Variants in ECE1 observed in about 807,000 individuals in gnomAD.
ECE1 encodes endothelin converting enzyme 1, also known as endothelin-converting enzyme 1.
A neutral mutation model predicts 98.6 loss-of-function variants in ECE1; 35 were observed. The ratio of observed to expected loss-of-function variants is 0.35; its 90% CI spans 0.27 to 0.47. The LOEUF is 0.47. Among genes scored for constraint, ECE1 ranks in the 20% least tolerant of loss-of-function variants. The pLI is 1.00. For synonymous variants in ECE1, 394 were observed against 407.1 expected (o/e 0.97, Z 0.39); for missense variants, 814 against 1,025.3 (o/e 0.79, Z 2.81).
chr1:21,270,125 C>G lies in ECE1; in HGVS notation c.493+2574G>C, dbSNP rs142512693. On this transcript the variant is annotated intron_variant, in intron 4 of 18. Transcript: ENST00000374893. ...GGGCCTGTCCACTGTCCTGCCCCAT[C>G]CCCTCTAAATGCTAACTGCTCCCCA... Among the ~76,000 whole-genome samples, 8 of 152,352 alleles carry G rather than the reference C, an allele frequency of 5.3e-5. No homozygotes were observed. In the East Asian group the frequency reaches 1.5e-3, roughly 29 times the overall value.
chr1:21,262,497 C>T (rs554393222), intron 4 of ECE1, among the ~76,000 whole-genome samples: 3 of 152,202 alleles, frequency 2.0e-5, no homozygotes, highest in East Asian at 1.9e-4. Flanking sequence ...TCAGATGCAG[C>T]GTCTCACCCT....
intron 10 of ECE1, among the ~76,000 whole-genome samples, chr1:21,239,945 T>A (rs547686680): frequency 1.3e-5 from 2 of 151,930 alleles, no homozygotes; most frequent in Non-Finnish European, 2.9e-5. Flanking sequence ...CCGAGGCAAG[T>A]GGATCACTTG....
At chr1:21,228,814 A>C (rs1291816414) in intron 14 of ECE1, among the ~76,000 whole-genome samples, 4 of 149,506 alleles carry the variant, frequency 2.7e-5, no homozygotes, top group Non-Finnish European at 5.9e-5. Context: ...GAAAAGAAAA[A>C]GATTTTGAAA....
At chr1:21,330,600 C>T (rs1639178889) in intron 1 of ECE1, among the ~76,000 whole-genome samples, 1 of 152,160 alleles carries the variant, frequency 6.6e-6, no homozygotes, top group African/African-American at 2.4e-5. Flanking sequence ...CTGGGAGCTC[C>T]TGGAAGGCAC....
chr1:21,236,517 C>T (rs565171114), intron 12 of ECE1, among the ~76,000 whole-genome samples: 3 of 152,322 alleles, frequency 2.0e-5, no homozygotes, highest in Admixed American at 6.5e-5. Flanking sequence ...AGCGTGGTGG[C>T]GCACGCCTGT....
At chr1:21,270,171 T>G (rs1425515025) in intron 4 of ECE1, among the ~76,000 whole-genome samples, 1 of 152,182 alleles carries the variant, frequency 6.6e-6, no homozygotes, top group Non-Finnish European at 1.5e-5. Flanking sequence ...CCCTCACCAT[T>G]TTGGACTGGT....
chr1:21,281,636 C>T (rs1199057976), intron 2 of ECE1, among the ~76,000 whole-genome samples: 7 of 152,168 alleles, frequency 4.6e-5, no homozygotes, highest in Admixed American at 4.6e-4. Flanking sequence ...CTTCTCATGT[C>T]CCCATTATCA....
intron 1 of ECE1, among the ~76,000 whole-genome samples, chr1:21,343,961 T>C (rs924171309): frequency 1.3e-5 from 2 of 152,156 alleles, no homozygotes; most frequent in Non-Finnish European, 2.9e-5. Context: ...GGTCCACAGA[T>C]AGTGCACTCC....
intron 4 of ECE1, among the ~76,000 whole-genome samples, chr1:21,267,628 C>A (rs1439607564): frequency 1.3e-5 from 2 of 152,148 alleles, no homozygotes; most frequent in African/African-American, 2.4e-5. Flanking sequence ...CAAACCATAT[C>A]ATCCAGTCTG....
chr1:21,345,260 A>C lies in ECE1; in HGVS notation c.3+116T>G. The C allele has an allele frequency of 8.4e-7, 1 of 1,184,298 alleles. No individual in the cohort carries two copies. The highest frequency in any genetic ancestry group is 1.0e-6 in the Non-Finnish European group (1 of 958,422). The allele number at this position is 1,184,298 out of a possible 1,614,324, so 73.4% of individuals were successfully genotyped here. ...AGAGCCGGGCGGGGGCTGCTGCTGC[A>C]GCCGGCGCCCAGCCCCCCGCGAGCC... On this transcript the variant is annotated intron_variant, in intron 1 of 18. Transcript: ENST00000415912. The surrounding 1 kb of genome is among the most constrained non-coding windows in gnomAD (Gnocchi z 5.1).
chr1:21,330,741 C>T (rs1165938941), intron 1 of ECE1, among the ~76,000 whole-genome samples: 1 of 152,146 alleles, frequency 6.6e-6, no homozygotes, highest in Non-Finnish European at 1.5e-5. Context: ...CTTCTTCCTC[C>T]CCCTGACTCA....
At chr1:21,276,297 A>C (rs1306578984) in intron 3 of ECE1, among the ~76,000 whole-genome samples, 1 of 152,146 alleles carries the variant, frequency 6.6e-6, no homozygotes, top group African/African-American at 2.4e-5. Context: ...AAGGGCTAGG[A>C]TTATAGGCGT....
At chr1:21,227,021 G>T in intron 16 of ECE1, 138 bp downstream of exon 16, 3 of 811,286 alleles carry the variant, frequency 3.7e-6, no homozygotes, top group South Asian at 1.4e-5. Context: ...ATCATGCACA[G>T]CCTAATTTTT....
Position 21,307,923 on chromosome 1 carries a change from G to A in ECE1, c.4-17767C>T, listed in dbSNP as rs560542280. ...GATCTGGGCAGGACAGAAGAGAGGA[G>A]GTGCCTGGCTCAGTTTTGCTGCGAT... On this transcript the variant is annotated intron_variant, in intron 1 of 18. Coordinates refer to the ECE1 transcript ENST00000415912. The surrounding 1 kb of genome is among the most constrained non-coding windows in gnomAD (Gnocchi z 4.2). Among the ~76,000 whole-genome samples the A allele has an allele frequency of 6.6e-6, 1 of 152,272 alleles. No individual in the cohort carries two copies. Among genetic ancestry groups the A allele is most frequent in the South Asian group, 2.1e-4 (1 of 4,826 alleles).
chr1:21,301,499 C>A (rs977164275), intron 1 of ECE1, among the ~76,000 whole-genome samples: 61 of 98,888 alleles, frequency 6.2e-4, no homozygotes, highest in African/African-American at 2.4e-3. Flanking sequence ...TCTCAAAAAA[C>A]AAACAAACAA....
chr1:21,227,272 GC>G (rs749822696), intron 15 of ECE1, 46 bp from the exon 16 acceptor site: 1 of 1,541,976 alleles, frequency 6.5e-7, no homozygotes, highest in Non-Finnish European at 9.0e-7. Flanking sequence ...TGAGAGGAGG[GC>G]CTCTCACTCT....
intron 17 of ECE1, among the ~76,000 whole-genome samples, chr1:21,223,849 C>T (rs1014135830): frequency 1.3e-5 from 2 of 151,910 alleles, no homozygotes; most frequent in Non-Finnish European, 2.9e-5. Context: ...CCGCCCACCT[C>T]GGCCTCCCAA....
At chr1:21,341,035 C>A (rs959799076) in intron 1 of ECE1, among the ~76,000 whole-genome samples, 3 of 151,630 alleles carry the variant, frequency 2.0e-5, no homozygotes, top group Non-Finnish European at 4.4e-5. Context: ...GCTCCCTCCA[C>A]CCCCCGCCCC....
In ECE1 at chr1:21,258,923, C is replaced by T; in HGVS notation, c.616-84G>A. 1 of 1,573,140 alleles carries T rather than the reference C, an allele frequency of 6.4e-7. No homozygotes were observed. Among genetic ancestry groups the T allele is most frequent in the Non-Finnish European group, 8.6e-7 (1 of 1,156,400 alleles). On this transcript the variant is annotated intron_variant, in intron 5 of 18. Transcript: ENST00000374893. The surrounding 1 kb of genome is among the most constrained non-coding windows in gnomAD (Gnocchi z 4.2). ...ATTCTGGTTCTGCCGCTGACTTGCTCTGTGACCCTGGAGCAGTCGCCTGAC... is the reference window on the plus strand; with the variant it reads ...ATTCTGGTTCTGCCGCTGACTTGCTTTGTGACCCTGGAGCAGTCGCCTGAC...
Sources: gnomAD v4.1 joint callset for allele counts (sites outside exome capture counted in the v4.1 genomes callset) on GRCh38, gnomAD v4.1.1 for gene constraint, Gnocchi (gnomAD v3.1) non-coding constraint, MANE v1.5 for transcripts, NCBI Gene and HGNC (gene_info 2026-07-23, HGNC 2026-07-21) for gene names.